OTUD7A: variants seen among roughly 807,000 people sequenced by gnomAD.
OTUD7A encodes OTU deubiquitinase 7A.
In OTUD7A, 12 loss-of-function variants were observed where a neutral mutation model predicts 65.7. The observed-to-expected ratio is 0.18, with a 90% CI of 0.12 to 0.30. OTUD7A has a LOEUF of 0.30. Among genes scored for constraint, OTUD7A ranks in the 10% least tolerant of loss-of-function variants. The probability of loss-of-function intolerance (pLI) is 1.00; values close to 1 mark genes in which losing one functional copy is unlikely to be tolerated. For missense variants in OTUD7A, 1,148 were observed against 1,304.8 expected, an observed-to-expected ratio of 0.88 and a Z score of 1.85; for synonymous variants, 641 against 586.3, an observed-to-expected ratio of 1.09 and a Z score of -1.35.
intron 1 of OTUD7A, among the ~76,000 whole-genome samples, chr15:31,866,903 A>G (rs1457942184): frequency 6.6e-6 from 1 of 152,230 alleles, no homozygotes; most frequent in Non-Finnish European, 1.5e-5. Flanking sequence ...TGAGAAGCAT[A>G]AAGAAATGCC....
intron 1 of OTUD7A, among the ~76,000 whole-genome samples, chr15:31,798,311 T>C (rs941305352): frequency 2.0e-5 from 3 of 152,150 alleles, no homozygotes; most frequent in Admixed American, 2.0e-4. Flanking sequence ...ATAAATGCTG[T>C]GCCCGTGAGC....
At chr15:31,573,058 T>C (rs907268321) in intron 3 of OTUD7A, among the ~76,000 whole-genome samples, 2 of 152,172 alleles carry the variant, frequency 1.3e-5, no homozygotes, top group African/African-American at 4.8e-5. Context: ...ACTGTTCTAG[T>C]ATAGCCAATA....
At chr15:31,699,248 T>G (rs1457848650) in intron 1 of OTUD7A, among the ~76,000 whole-genome samples, 3 of 151,782 alleles carry the variant, frequency 2.0e-5, no homozygotes, top group Admixed American at 2.0e-4. Context: ...CCCGGCTAAT[T>G]TTTTGTAGTT....
chr15:31,537,562 T>TA (rs1566909502), intron 5 of OTUD7A, among the ~76,000 whole-genome samples: 1 of 152,234 alleles, frequency 6.6e-6, no homozygotes, highest in African/African-American at 2.4e-5. Flanking sequence ...CGCAGTTACT[T>TA]AGTCACTTCT....
At chr15:31,743,800 T>C (rs908679308) in intron 1 of OTUD7A, among the ~76,000 whole-genome samples, 2 of 151,580 alleles carry the variant, frequency 1.3e-5, no homozygotes, top group African/African-American at 2.4e-5. Flanking sequence ...ATTTGATTCA[T>C]TGAAAGATTC....
intron 10 of OTUD7A, among the ~76,000 whole-genome samples, chr15:31,494,536 A>AC (rs2041357992): frequency 6.6e-6 from 1 of 152,220 alleles, no homozygotes; most frequent in South Asian, 2.1e-4. Flanking sequence ...AAAAGTGCTG[A>AC]CCAGAATTAA....
Position 31,610,593 on chromosome 15 carries a change from T to TTA in OTUD7A, c.152-40398_152-40397dup, listed in dbSNP as rs1244768576. On this transcript the variant is annotated intron_variant, in intron 3 of 12. Transcript: ENST00000307050. ...CTCAATAAATTTAAGAAAAATGAAA[T>TTA]TATATATATATATATATATATATAT... Among the ~76,000 whole-genome samples the TTA allele has an allele frequency of 5.5e-3, 446 of 80,928 alleles. 33 individuals carry two copies. Among genetic ancestry groups the TTA allele is most frequent in the Middle Eastern group, 0.014 (2 of 148 alleles). The allele number at this position is 80,928 out of a possible 152,430, so 53.1% of individuals were successfully genotyped here.
At chr15:31,749,573 T>C (rs1195832203) in intron 1 of OTUD7A, among the ~76,000 whole-genome samples, 1 of 152,116 alleles carries the variant, frequency 6.6e-6, no homozygotes, top group Non-Finnish European at 1.5e-5. Flanking sequence ...GTAGAGTGCA[T>C]TTTAAAAGTG....
At chr15:31,710,480 C>A (rs914026511) in intron 1 of OTUD7A, among the ~76,000 whole-genome samples, 1 of 152,002 alleles carries the variant, frequency 6.6e-6, no homozygotes, top group Non-Finnish European at 1.5e-5. Flanking sequence ...CAGAAAAGTT[C>A]TCAGACATCC....
intron 1 of OTUD7A, among the ~76,000 whole-genome samples, chr15:31,756,937 GA>G (rs1894833658): frequency 6.6e-6 from 1 of 152,160 alleles, no homozygotes; most frequent in Admixed American, 6.5e-5. Flanking sequence ...GTTGCTCCAT[GA>G]CATAGAAATG....
At chr15:31,519,637 G>C (rs1347880532) in intron 8 of OTUD7A, among the ~76,000 whole-genome samples, 1 of 152,148 alleles carries the variant, frequency 6.6e-6, no homozygotes, top group Non-Finnish European at 1.5e-5. Context: ...CATAGTACTG[G>C]AAGTACCCAC....
intron 1 of OTUD7A, among the ~76,000 whole-genome samples, chr15:31,674,215 G>A (rs34354574): frequency 1.3e-5 from 2 of 152,206 alleles, no homozygotes; most frequent in Non-Finnish European, 2.9e-5. Flanking sequence ...TGGATGAGCA[G>A]CATGGGTGTT....
rs139512339 is a variant in OTUD7A at position 31,559,039 on chromosome 15, G to A, written c.480C>T (p.Ser160=). 2.2e-5 allele frequency: 35 copies of A among 1,614,204 alleles called. 1 individual carries two copies. Among genetic ancestry groups the A allele is most frequent in the Non-Finnish European group, 2.6e-5 (31 of 1,180,036 alleles). The change falls in exon 5 of 13, where the codon AGC becomes AGT. Residue 160 remains serine, a synonymous_variant. Coordinates refer to ENST00000307050, the MANE Select transcript of OTUD7A (RefSeq NM_001382637.1). ...GCTCGATGAAGCTCCTGAAATCCTC[G>A]CTGTACACGCTCAGGTCTGGCAACT... ...TFQLPDLSVY[S]EDFRSFIERD...
chr15:31,563,228 A>G (rs1888751966), intron 4 of OTUD7A, among the ~76,000 whole-genome samples: 1 of 152,168 alleles, frequency 6.6e-6, no homozygotes, highest in African/African-American at 2.4e-5. Flanking sequence ...TGCCAGCTCA[A>G]AAGAGCAGGA....
intron 1 of OTUD7A, among the ~76,000 whole-genome samples, chr15:31,774,249 C>A (rs1395382528): frequency 6.6e-6 from 1 of 152,244 alleles, no homozygotes; most frequent in Non-Finnish European, 1.5e-5. Flanking sequence ...CTCTGCAGCC[C>A]AGGAACAGGC....
intron 3 of OTUD7A, 94 bp from the exon 4 acceptor site, chr15:31,570,291 G>GTTTAT: frequency 7.3e-7 from 1 of 1,365,016 alleles, no homozygotes; most frequent in Non-Finnish European, 1.0e-6. Context: ...TTTCCCATTA[G>GTTTAT]GACATAAACT....
At chr15:31,802,299 A>G (rs1350455006) in intron 1 of OTUD7A, among the ~76,000 whole-genome samples, 1 of 152,172 alleles carries the variant, frequency 6.6e-6, no homozygotes, top group East Asian at 1.9e-4. Context: ...GGAAGCATCC[A>G]GCATGGGAGA....
At chr15:31,749,973 CA>C (rs954191011) in intron 1 of OTUD7A, among the ~76,000 whole-genome samples, 10 of 151,772 alleles carry the variant, frequency 6.6e-5, no homozygotes, top group African/African-American at 2.4e-4. Flanking sequence ...AATGGCCACA[CA>C]AAAAAATACA....
intron 3 of OTUD7A, among the ~76,000 whole-genome samples, chr15:31,575,050 T>A (rs901501316): frequency 1.3e-5 from 2 of 152,098 alleles, no homozygotes; most frequent in African/African-American, 2.4e-5. Flanking sequence ...TCACTCTGCC[T>A]CCTGACTGTG....
Sources: gnomAD v4.1 joint callset for allele counts (sites outside exome capture counted in the v4.1 genomes callset) on GRCh38, gnomAD v4.1.1 for gene constraint, MANE v1.5 for transcripts, NCBI Gene and HGNC (gene_info 2026-07-23, HGNC 2026-07-21) for gene names.